PCDHGB2: variants seen among roughly 807,000 people sequenced by gnomAD.
PCDHGB2 encodes protocadherin gamma-B2.
Under a neutral mutation model 59.3 loss-of-function variants are expected in PCDHGB2, and 55 were observed. The observed-to-expected ratio is 0.93, with a 90% CI of 0.75 to 1.16. PCDHGB2 has a LOEUF of 1.16. Among genes scored for constraint, PCDHGB2 ranks in the 50% most tolerant of loss-of-function variants. The pLI is 0.00. For synonymous variants in PCDHGB2, 516 were observed against 512.0 expected (o/e 1.01, Z -0.11); for missense variants, 1,228 against 1,198.5 (o/e 1.02, Z -0.36).
At chr5:141,413,406 G>A (rs2095636376) in intron 1 of PCDHGB2, 1 of 1,613,950 alleles carries the variant, frequency 6.2e-7, no homozygotes, top group Non-Finnish European at 8.5e-7. Context: ...GTAGGACGCA[G>A]CTTTTCTCTC....
intron 1 of PCDHGB2, chr5:141,383,722 G>C (rs752091789): frequency 1.2e-6 from 2 of 1,613,934 alleles, no homozygotes; most frequent in East Asian, 4.5e-5. Flanking sequence ...GGGAGTCAAT[G>C]GGGAAGTGAC....
chr5:141,457,264 C>T (rs2098915249), intron 1 of PCDHGB2, among the ~76,000 whole-genome samples: 1 of 152,142 alleles, frequency 6.6e-6, no homozygotes, highest in South Asian at 2.1e-4. Flanking sequence ...ATAGAATTCC[C>T]CTCTGTGGGC....
intron 1 of PCDHGB2, chr5:141,415,740 GTTTTTTTTTTTTTTTTTTTTT>G: frequency 1.6e-6 from 1 of 617,990 alleles, no homozygotes; most frequent in Non-Finnish European, 2.1e-6. Context: ...GTTTATTAAG[GTTTTTTTTTTTTTTTTTTTTT>G]TTTTTTTTTT....
In PCDHGB2 at chr5:141,390,024, C is replaced by T. The variant is rs1449274096; in HGVS notation, c.2421+27468C>T. ...GATTCTGGCCATTGCCTTGCGCCTG[C>T]GACGCTCCTCCAGCCCCGCCTCCTG... On this transcript the variant is annotated intron_variant, in intron 1 of 3. Transcript: ENST00000522605. 6 of 1,613,926 alleles carry T rather than the reference C, an allele frequency of 3.7e-6. No homozygotes were observed. In the African/African-American group the frequency reaches 4.0e-5, roughly 11 times the overall value.
chr5:141,386,400 A>G (rs1180278109), intron 1 of PCDHGB2, among the ~76,000 whole-genome samples: 1 of 152,176 alleles, frequency 6.6e-6, no homozygotes, highest in Non-Finnish European at 1.5e-5. Flanking sequence ...ACTTTTAGCC[A>G]GGTATGGTGT....
intron 1 of PCDHGB2, among the ~76,000 whole-genome samples, chr5:141,459,755 G>A (rs1383912891): frequency 2.0e-5 from 3 of 152,182 alleles, no homozygotes; most frequent in African/African-American, 7.2e-5. Flanking sequence ...CAATTCTAGT[G>A]GGTGTGTGAT....
rs752316565 is a variant in PCDHGB2 at position 141,487,235 on chromosome 5, C to T, written c.2422-7572C>T. On this transcript the variant is annotated intron_variant, in intron 1 of 3. Coordinates refer to ENST00000522605, the MANE Select transcript of PCDHGB2 (RefSeq NM_018923.3). This position sits in a 1 kb window ranked among gnomAD's most constrained non-coding sequence, Gnocchi z 5.0. The stretch of plus-strand genomic sequence containing the variant: ...TTCAGCTCCAAGGGAAGGAGAATCT[C>T]GTCTAACCCTCTACTTGGCTGTGTC... The T allele has an allele frequency of 2.5e-6, 4 of 1,614,126 alleles. No individual in the cohort carries two copies. Among genetic ancestry groups the T allele is most frequent in the Non-Finnish European group, 3.4e-6 (4 of 1,179,994 alleles).
At chr5:141,371,313 C>A in intron 1 of PCDHGB2, 2 of 1,613,964 alleles carry the variant, frequency 1.2e-6, no homozygotes, top group South Asian at 1.1e-5. Flanking sequence ...TATTGGAGAA[C>A]TGGACTTTGA....
In PCDHGB2 at chr5:141,490,410, T is replaced by C. The variant is rs2099699827; in HGVS notation, c.2422-4397T>C. ...ATGGTGAAGTGAGCCTTGATATCTC[T>C]CCGGACCTGCCATTTCAGATTAAGC... On this transcript the variant is annotated intron_variant, in intron 1 of 3. Coordinates refer to ENST00000522605, the MANE Select transcript of PCDHGB2 (RefSeq NM_018923.3). The surrounding 1 kb of genome is among the most constrained non-coding windows in gnomAD (Gnocchi z 5.4). 1 of 1,614,172 alleles carries C rather than the reference T, an allele frequency of 6.2e-7. No individual in the cohort carries two copies. Among genetic ancestry groups the C allele is most frequent in the Non-Finnish European group, 8.5e-7 (1 of 1,180,042 alleles).
intron 1 of PCDHGB2, among the ~76,000 whole-genome samples, chr5:141,452,299 A>G (rs2098738116): frequency 6.6e-6 from 1 of 152,176 alleles, no homozygotes; most frequent in African/African-American, 2.4e-5. Flanking sequence ...ATAAGAAAAT[A>G]TTAGAGACTC....
chr5:141,423,906 G>A (rs2096789586), intron 1 of PCDHGB2: 17 of 1,272,396 alleles, frequency 1.3e-5, no homozygotes, highest in Non-Finnish European at 1.7e-5. Context: ...ATTTCAAAGG[G>A]GCCATTCAAC....
At position 141,361,230 on chromosome 5, in the gene PCDHGB2, G is replaced by T; in HGVS notation, c.1095G>T (p.Val365=). Reference sequence around the variant, plus strand: ...CGGAGGATTCGCCACCAGGAACAGTGATCGCCTTGATAAAAACGAGAGACA... The same window carrying T: ...CGGAGGATTCGCCACCAGGAACAGTTATCGCCTTGATAAAAACGAGAGACA... ...PLPEDSPPGT[V]IALIKTRDRD... Residue 365 remains valine (V), a synonymous_variant, in exon 1 of 4, where the codon GTG becomes GTT. Coordinates refer to ENST00000522605, the MANE Select transcript of PCDHGB2 (RefSeq NM_018923.3). The T allele has an allele frequency of 6.2e-7, 1 of 1,613,982 alleles. No individual in the cohort carries two copies. Among genetic ancestry groups the T allele is most frequent in the Non-Finnish European group, 8.5e-7 (1 of 1,179,884 alleles).
At chr5:141,478,287 G>C (rs777542913) in intron 1 of PCDHGB2, 1 of 1,614,154 alleles carries the variant, frequency 6.2e-7, no homozygotes, top group South Asian at 1.1e-5. Context: ...AAGCAGTCTA[G>C]AGACCTATAC....
chr5:141,389,977 CAG>C (rs1303197054), intron 1 of PCDHGB2: 1 of 1,613,936 alleles, frequency 6.2e-7, no homozygotes, highest in Non-Finnish European at 8.5e-7. Flanking sequence ...GCCTTGATCT[CAG>C]TGCTCTTCCT....
Position 141,490,536 on chromosome 5 carries a change from T to C in PCDHGB2, c.2422-4271T>C. ...TGCTGGCCAGCGATGCTGGTTCACCTTCCCTACACAAACATCTCACCATCA... is the reference window on the plus strand; with the variant it reads ...TGCTGGCCAGCGATGCTGGTTCACCCTCCCTACACAAACATCTCACCATCA... On this transcript the variant is annotated intron_variant, in intron 1 of 3. Transcript: ENST00000522605. The surrounding 1 kb of genome is among the most constrained non-coding windows in gnomAD (Gnocchi z 5.4). The C allele has an allele frequency of 1.9e-6, 3 of 1,614,150 alleles. No individual in the cohort carries two copies. The highest frequency in any genetic ancestry group is 2.5e-6 in the Non-Finnish European group (3 of 1,180,010).
chr5:141,408,058 G>A, intron 1 of PCDHGB2: 1 of 1,316,270 alleles, frequency 7.6e-7, no homozygotes. Flanking sequence ...GAGCCTCCCG[G>A]CTGCGCAGAC....
At chr5:141,414,496 C>T in intron 1 of PCDHGB2, 7 of 1,613,956 alleles carry the variant, frequency 4.3e-6, no homozygotes, top group Middle Eastern at 1.6e-4. Flanking sequence ...AACGGAAGCT[C>T]ACTTTATGCT....
intron 1 of PCDHGB2, chr5:141,409,130 G>C (rs1265386524): frequency 2.5e-6 from 4 of 1,613,994 alleles, no homozygotes; most frequent in Non-Finnish European, 3.4e-6. Flanking sequence ...ATTTGATTTT[G>C]AAGATGTAGA....
intron 2 of PCDHGB2, among the ~76,000 whole-genome samples, chr5:141,503,085 C>T (rs1284066265): frequency 6.6e-6 from 1 of 152,044 alleles, no homozygotes; most frequent in Non-Finnish European, 1.5e-5. Context: ...GATCTCCTGA[C>T]CTCGTGGTCT....
Sources: gnomAD v4.1 joint callset for allele counts (sites outside exome capture counted in the v4.1 genomes callset) on GRCh38, gnomAD v4.1.1 for gene constraint, Gnocchi (gnomAD v3.1) non-coding constraint, MANE v1.5 for transcripts, NCBI Gene and HGNC (gene_info 2026-07-23, HGNC 2026-07-21) for gene names.